LIMCH1: variants seen among roughly 807,000 people sequenced by gnomAD.
LIMCH1 encodes the protein LIM and calponin homology domains-containing protein 1.
LIMCH1 carries 113 observed loss-of-function variants against 176.5 expected under a neutral mutation model. The ratio of observed to expected loss-of-function variants is 0.64; its 90% CI spans 0.55 to 0.75. The LOEUF (loss-of-function observed/expected upper bound fraction) is 0.75. Among genes scored for constraint, LIMCH1 ranks in the 30% least tolerant of loss-of-function variants. LIMCH1 has a pLI of 0.00. For missense variants in LIMCH1, 1,674 were observed against 1,814.9 expected (o/e 0.92, Z 1.41); for synonymous variants, 619 against 645.9 (o/e 0.96, Z 0.63).
At chr4:41,518,625 G>A (rs186755409) in intron 2 of LIMCH1, among the ~76,000 whole-genome samples, 19 of 152,258 alleles carry the variant, frequency 1.2e-4, no homozygotes, top group Non-Finnish European at 2.1e-4. Context: ...GTGCAGGTTT[G>A]TTACATAGGT....
chr4:41,530,764 C>T (rs2077172703), intron 3 of LIMCH1, among the ~76,000 whole-genome samples: 2 of 126,660 alleles, frequency 1.6e-5, no homozygotes, highest in African/African-American at 3.3e-5. Flanking sequence ...CATTGCACTC[C>T]AGCCGGGGCT....
intron 1 of LIMCH1, among the ~76,000 whole-genome samples, chr4:41,370,074 G>T (rs2154096667): frequency 6.6e-6 from 1 of 152,210 alleles, no homozygotes; most frequent in East Asian, 1.9e-4. Context: ...TCTTTAGGGT[G>T]CTAACCCTCC....
chr4:41,576,527 T>A (rs1039233879), intron 1 of LIMCH1, among the ~76,000 whole-genome samples: 6 of 152,202 alleles, frequency 3.9e-5, no homozygotes, highest in African/African-American at 1.4e-4. Context: ...ATTTTTGTGG[T>A]AGCATGTGAT....
chr4:41,687,034 G>A (rs1259751946), intron 28 of LIMCH1, among the ~76,000 whole-genome samples: 1 of 152,214 alleles, frequency 6.6e-6, no homozygotes, highest in Non-Finnish European at 1.5e-5. Context: ...ATTCCCTGGC[G>A]AGGGAGGTTT....
intron 1 of LIMCH1, among the ~76,000 whole-genome samples, chr4:41,472,370 C>T (rs2067103618): frequency 6.7e-6 from 1 of 149,208 alleles, no homozygotes; most frequent in African/African-American, 2.5e-5. Context: ...CTTCCTCCCT[C>T]TCTTTCCTTC....
At chr4:41,631,592 A>G in intron 10 of LIMCH1, 115 bp downstream of exon 10, 1 of 862,510 alleles carries the variant, frequency 1.2e-6, no homozygotes, top group South Asian at 2.0e-5. Flanking sequence ...TTAACAGACT[A>G]TGTATAGCAG....
intron 3 of LIMCH1, among the ~76,000 whole-genome samples, chr4:41,530,428 C>T (rs1385197127): frequency 6.6e-6 from 1 of 152,134 alleles, no homozygotes; most frequent in Admixed American, 6.5e-5. Context: ...CTTTACCTTC[C>T]CTCCAGTGGT....
At chr4:41,392,276 G>A (rs1156556058) in intron 1 of LIMCH1, among the ~76,000 whole-genome samples, 1 of 152,114 alleles carries the variant, frequency 6.6e-6, no homozygotes, top group Non-Finnish European at 1.5e-5. Context: ...ATAGTATTAA[G>A]TGCTATGGAA....
At chr4:41,616,356 C>A in intron 5 of LIMCH1, among the ~76,000 whole-genome samples, 1 of 151,806 alleles carries the variant, frequency 6.6e-6, no homozygotes. Context: ...GGTGAAACCC[C>A]ATCTCTACTA....
At chr4:41,506,546 A>G (rs1264729344) in intron 2 of LIMCH1, among the ~76,000 whole-genome samples, 1 of 152,254 alleles carries the variant, frequency 6.6e-6, no homozygotes, top group Non-Finnish European at 1.5e-5. Context: ...CCACACACAC[A>G]GAGCAGTTAA....
At chr4:41,605,802 T>G (rs547368503) in intron 3 of LIMCH1, 92 bp from the exon 4 acceptor site, 1 of 714,554 alleles carries the variant, frequency 1.4e-6, no homozygotes, top group African/African-American at 1.8e-5. Context: ...GCTCTTTCCT[T>G]CCTGCCTTCC....
At chr4:41,594,427 C>T (rs1422272233) in intron 1 of LIMCH1, among the ~76,000 whole-genome samples, 2 of 152,158 alleles carry the variant, frequency 1.3e-5, no homozygotes, top group African/African-American at 4.8e-5. Flanking sequence ...GTTTGGCTTC[C>T]AAAGTTAACA....
rs770350228 is a variant in LIMCH1 at position 41,646,466 on chromosome 4, C to A, written c.2412-19C>A. 1.3e-6 allele frequency: 2 copies of A among 1,598,282 alleles called. No individual in the cohort carries two copies. The highest frequency in any genetic ancestry group is 1.7e-6 in the Non-Finnish European group (2 of 1,171,610). ...TTTTCATTAGTTGACTTTGTTATTG[C>A]TTCTCCCATGTCCTTTAGAGAGCGG... is the stretch of plus-strand genomic sequence containing the variant. On this transcript the variant is annotated intron_variant, in intron 16 of 31. Coordinates refer to ENST00000503057, the MANE Select transcript of LIMCH1 (RefSeq NM_001330672.2).
At chr4:41,668,850 T>G (rs1449591591) in intron 21 of LIMCH1, among the ~76,000 whole-genome samples, 2 of 152,184 alleles carry the variant, frequency 1.3e-5, no homozygotes, top group Non-Finnish European at 2.9e-5. Context: ...TCTTACATGG[T>G]GGCCAGCAAA....
At chr4:41,522,126 T>C (rs1423866407) in intron 2 of LIMCH1, among the ~76,000 whole-genome samples, 1 of 152,170 alleles carries the variant, frequency 6.6e-6, no homozygotes, top group East Asian at 1.9e-4. Context: ...GTCTGTCTGG[T>C]AGCAATGGTA....
chr4:41,427,800 CAT>C (rs1048392303), intron 1 of LIMCH1, among the ~76,000 whole-genome samples: 3 of 152,184 alleles, frequency 2.0e-5, no homozygotes, highest in African/African-American at 4.8e-5. Flanking sequence ...TGTACAAACA[CAT>C]GAGTTCCCTA....
intron 1 of LIMCH1, among the ~76,000 whole-genome samples, chr4:41,368,897 A>G (rs1261958939): frequency 6.6e-6 from 1 of 152,212 alleles, no homozygotes; most frequent in Non-Finnish European, 1.5e-5. Flanking sequence ...CTGGATTAAA[A>G]TTCTTGGACA....
In LIMCH1 at chr4:41,633,004, GC is replaced by G; in HGVS notation, c.1749del (p.Glu585LysfsTer46). The G allele has an allele frequency of 1.3e-6, 2 of 1,536,104 alleles. No individual in the cohort carries two copies. The highest frequency in any genetic ancestry group is 1.7e-6 in the Non-Finnish European group (2 of 1,146,890). On this transcript the variant is annotated frameshift_variant, in exon 12 of 32. Transcript: ENST00000503057. LOFTEE classifies it high-confidence loss of function. Reference protein sequence around the residue: ...EVTSKQLPQDGKEETESAPRD... With the variant: ...EVTSKQLPQDXKEETESAPRD... ...ACATCCAAACAGCTGCCACAGGATG[GC>G]AAAGAAGAAACAGAAAGCGCTCCAA...
chr4:41,412,098 T>C (rs2059547706), intron 1 of LIMCH1, among the ~76,000 whole-genome samples: 1 of 152,122 alleles, frequency 6.6e-6, no homozygotes, highest in African/African-American at 2.4e-5. Flanking sequence ...TAAGTTCCCT[T>C]TTAAAAAAAT....
Sources: allele counts gnomAD v4.1 joint callset (sites outside exome capture counted in the v4.1 genomes callset), GRCh38; gene constraint gnomAD v4.1.1; transcripts MANE v1.5; gene names NCBI Gene and HGNC (gene_info 2026-07-23, HGNC 2026-07-21).